Variants in LOXL2 observed in about 807,000 individuals in gnomAD.
LOXL2 encodes the protein lysyl oxidase homolog 2.
A neutral mutation model predicts 93.0 loss-of-function variants in LOXL2; 70 were observed. That is an observed-to-expected ratio of 0.75 (90% CI 0.62 to 0.92). LOXL2 has a LOEUF of 0.92. Among genes scored for constraint, LOXL2 ranks in the 40% least tolerant of loss-of-function variants. LOXL2 has a pLI of 0.00. For synonymous variants in LOXL2, 438 were observed against 413.2 expected, an observed-to-expected ratio of 1.06 and a Z score of -0.73; for missense variants, 973 against 1,054.9, an observed-to-expected ratio of 0.92 and a Z score of 1.08.
At chr8:23,346,083 TAATAA>T (rs10624286) in intron 3 of LOXL2, among the ~76,000 whole-genome samples, 34 of 74,012 alleles carry the variant, frequency 4.6e-4, no homozygotes, top group East Asian at 1.9e-3. Flanking sequence ...TAAAATAAAA[TAATAA>T]AATAAAATAA....
In LOXL2 at chr8:23,319,989, C is replaced by T. The variant is rs753942244; in HGVS notation, c.1366G>A (p.Gly456Arg). Residue 456 changes from glycine to arginine, a missense_variant, in exon 8 of 14, where the codon GGG (glycine) becomes AGG (arginine). By Grantham distance (125) the Gly-to-Arg change is moderately radical. Transcript: ENST00000389131. ...CACACCATCCCCCACACAAGGGACCCGTTTCTCTCCACCAGCACCTCCACT... is the reference window on the plus strand; with the variant it reads ...CACACCATCCCCCACACAAGGGACCTGTTTCTCTCCACCAGCACCTCCACT... ...GRVEVLVERNGSLVWGMVCGQ... is the reference protein window; with the variant it reads ...GRVEVLVERNRSLVWGMVCGQ... The T allele has an allele frequency of 5.6e-6, 9 of 1,614,114 alleles. No homozygotes were observed. Among genetic ancestry groups the T allele is most frequent in the East Asian group, 2.2e-5 (1 of 44,876 alleles).
At chr8:23,325,286 C>T (rs1351038525) in intron 6 of LOXL2, among the ~76,000 whole-genome samples, 1 of 151,932 alleles carries the variant, frequency 6.6e-6, no homozygotes, top group South Asian at 2.1e-4. Flanking sequence ...TGCGTGGTTC[C>T]GGTTCTATTT....
intron 8 of LOXL2, among the ~76,000 whole-genome samples, chr8:23,318,624 C>T (rs1054347262): frequency 1.3e-5 from 2 of 152,052 alleles, no homozygotes; most frequent in African/African-American, 4.8e-5. Context: ...ATTTCAAGAC[C>T]CCAGCTGAGG....
At chr8:23,340,383 C>T (rs1803862975) in intron 4 of LOXL2, among the ~76,000 whole-genome samples, 1 of 152,112 alleles carries the variant, frequency 6.6e-6, no homozygotes, top group Admixed American at 6.5e-5. Flanking sequence ...GGAATCCTTC[C>T]ACTGGACACC....
chr8:23,320,698 A>G (rs933138791), intron 7 of LOXL2, among the ~76,000 whole-genome samples: 1 of 152,200 alleles, frequency 6.6e-6, no homozygotes, highest in African/African-American at 2.4e-5. Flanking sequence ...ACTTAAGCCC[A>G]GGGTTTTGAG....
Position 23,322,167 on chromosome 8 carries a change from A to T in LOXL2, c.1265T>A (p.Val422Glu). 2 of 1,614,130 alleles carry T rather than the reference A, an allele frequency of 1.2e-6. No individual in the cohort carries two copies. The highest frequency in any genetic ancestry group is 1.7e-6 in the Non-Finnish European group (2 of 1,180,002). ...QGCNHEEDAG[V>E]RCNTPAMGLQ... Reference sequence around the variant, plus strand: ...GCCCATGGCAGGGGTGTTGCATCTCACACCAGCATCCTCCTCGTGGTTGCA... The same window carrying T: ...GCCCATGGCAGGGGTGTTGCATCTCTCACCAGCATCCTCCTCGTGGTTGCA... The change falls in exon 7 of 14, where the codon GTG becomes GAG. Residue 422 changes from valine (V) to glutamate (E), a missense_variant. Physicochemically the swap from Val to Glu is moderately radical, Grantham distance 121. Transcript: ENST00000389131.
rs75166072 is a variant in LOXL2, at chr8:23,337,766, A to C, written c.743+3226T>G. Reference sequence around the variant, plus strand: ...ACCAGGAATGGGGGCCTGAAGTTTAAGCTTCATTAGCTTTAAGGTACATGC... The same window carrying C: ...ACCAGGAATGGGGGCCTGAAGTTTACGCTTCATTAGCTTTAAGGTACATGC... On this transcript the variant is annotated intron_variant, in intron 4 of 13. Transcript: ENST00000389131. Among the ~76,000 whole-genome samples, 883 of 152,312 alleles carry C rather than the reference A, an allele frequency of 5.8e-3. 7 individuals are homozygous for C. Among genetic ancestry groups the C allele is most frequent in the African/African-American group, 0.02 (833 of 41,572 alleles).
At chr8:23,339,347 G>A (rs74912268) in intron 4 of LOXL2, among the ~76,000 whole-genome samples, 2,851 of 152,188 alleles carry the variant, frequency 0.019, 94 homozygotes, top group East Asian at 0.13. Context: ...TCCTTGGATC[G>A]CTCTCAGCCT....
At chr8:23,338,288 G>A (rs973249419) in intron 4 of LOXL2, among the ~76,000 whole-genome samples, 2 of 146,156 alleles carry the variant, frequency 1.4e-5, no homozygotes, top group African/African-American at 5.3e-5. Context: ...CAGCCAAACC[G>A]TATCACTAGG....
At chr8:23,324,565 T>C (rs1803548147) in intron 6 of LOXL2, among the ~76,000 whole-genome samples, 1 of 152,182 alleles carries the variant, frequency 6.6e-6, no homozygotes, top group Non-Finnish European at 1.5e-5. Flanking sequence ...TCTGCATCCT[T>C]GACCTGCAGC....
chr8:23,375,784 A>AT lies in LOXL2; in HGVS notation c.-83-7351dup, dbSNP rs1429342865. ...GAATGCTTGTGATATTTGCACACTG[A>AT]TTTTGTATCCTGAGACTTTGCTGAA... is the stretch of plus-strand genomic sequence containing the variant. On this transcript the variant is annotated intron_variant, in intron 1 of 13. Transcript: ENST00000389131. Among the ~76,000 whole-genome samples the AT allele has an allele frequency of 2.6e-5, 4 of 152,248 alleles. No individual in the cohort carries two copies. The East Asian group carries it at 7.7e-4, about 29-fold the overall frequency.
chr8:23,370,685 G>A (rs7009281), intron 1 of LOXL2: 49,473 of 150,906 alleles, frequency 0.33, 8,216 homozygotes, highest in East Asian at 0.43. Context: ...CCAATTCCAC[G>A]GCAGTGATCA....
chr8:23,347,998 T>A (rs1804021796), intron 3 of LOXL2, among the ~76,000 whole-genome samples: 1 of 152,012 alleles, frequency 6.6e-6, no homozygotes, highest in Non-Finnish European at 1.5e-5. Context: ...ATGTGGCACA[T>A]ATACCCTAGA....
At chr8:23,363,554 G>T (rs1257720701) in intron 2 of LOXL2, 1 of 152,198 alleles carries the variant, frequency 6.6e-6, no homozygotes, top group Non-Finnish European at 1.5e-5. Context: ...CTGTCGCAAA[G>T]CTGCCAAAGT....
intron 9 of LOXL2, 22 bp downstream of exon 9, chr8:23,316,927 G>T (rs762369102): frequency 2.7e-5 from 42 of 1,562,110 alleles, no homozygotes; most frequent in Middle Eastern, 3.4e-4. Flanking sequence ...GCCCGGTGGG[G>T]AGGGAGGGGA....
chr8:23,391,819 G>A (rs1804849086), intron 1 of LOXL2, among the ~76,000 whole-genome samples: 1 of 152,142 alleles, frequency 6.6e-6, no homozygotes, highest in African/African-American at 2.4e-5. Context: ...GGGTTTGGGT[G>A]GTTGGAAATA....
chr8:23,389,504 A>G (rs765588508), intron 1 of LOXL2, among the ~76,000 whole-genome samples: 38 of 152,204 alleles, frequency 2.5e-4, no homozygotes, highest in Non-Finnish European at 4.4e-4. Context: ...GATCAATGAC[A>G]CTTGACCTTG....
Position 23,309,750 on chromosome 8 carries a change from AG to A in LOXL2, c.1797del (p.Ser600ProfsTer42), listed in dbSNP as rs1337559742. The stretch of plus-strand genomic sequence containing the variant: ...TGGCCATTGTTGTGGATCTGGGAGG[AG>A]AAGCGCAGGAGCCGGCGGTAGCCCG... The part of the protein sequence containing the change: ...PTTGYRRLLR[F>X]SSQIHNNGQS... On this transcript the variant is annotated frameshift_variant, in exon 10 of 14. Coordinates refer to ENST00000389131, the MANE Select transcript of LOXL2 (RefSeq NM_002318.3). LOFTEE classifies it high-confidence loss of function. 1 of 1,600,464 alleles carries A rather than the reference AG, an allele frequency of 6.2e-7. No homozygotes were observed. The highest frequency in any genetic ancestry group is 8.5e-7 in the Non-Finnish European group (1 of 1,173,950).
rs145428174 is a variant in LOXL2 at position 23,304,119 on chromosome 8, AG to A, written c.1881-723del. On this transcript the variant is annotated intron_variant, in intron 10 of 13. Transcript: ENST00000389131. Reference sequence around the variant, plus strand: ...GGGAGGGAGACACTGACTCATCCTCAGGGGCACACAGCAGCGGCAAAGGGAG... The same window carrying A: ...GGGAGGGAGACACTGACTCATCCTCAGGGCACACAGCAGCGGCAAAGGGAG... Among the ~76,000 whole-genome samples, 1,192 of 152,342 alleles carry A rather than the reference AG, an allele frequency of 7.8e-3. 16 individuals carry two copies. Among genetic ancestry groups the A allele is most frequent in the African/African-American group, 0.027 (1,124 of 41,586 alleles).
Sources: allele counts gnomAD v4.1 joint callset (sites outside exome capture counted in the v4.1 genomes callset), GRCh38; gene constraint gnomAD v4.1.1; transcripts MANE v1.5; gene names NCBI Gene and HGNC (gene_info 2026-07-23, HGNC 2026-07-21).